FGF13: variants seen among roughly 807,000 people sequenced by gnomAD.
FGF13 encodes the protein fibroblast growth factor homologous factor 2.
A neutral mutation model predicts 19.5 loss-of-function variants in FGF13; 2 were observed. The ratio of observed to expected loss-of-function variants is 0.10; its 90% CI spans 0.04 to 0.32. FGF13 has a LOEUF of 0.32. FGF13 is among the 10% of genes least tolerant of loss of function. The pLI, the probability that FGF13 is intolerant of heterozygous loss-of-function variation, is 1.00. For synonymous variants in FGF13, 72 were observed against 76.9 expected (o/e 0.94, Z 0.33); for missense variants, 113 against 192.7 (o/e 0.59, Z 2.45).
At chrX:138,862,047 C>T (rs2091291128) in intron 2 of FGF13, among the ~76,000 whole-genome samples, 1 of 111,756 alleles carries the variant, frequency 8.9e-6, no homozygotes, top group Non-Finnish European at 1.9e-5. Flanking sequence ...TTTGTAAAAG[C>T]ATCAATATAT....
At chrX:139,195,339 A>T (rs755125239) in intron 1 of FGF13, among the ~76,000 whole-genome samples, 1 of 112,008 alleles carries the variant, frequency 8.9e-6, no homozygotes, top group East Asian at 2.8e-4. Context: ...TAAACCCCCC[A>T]AGGGGAGAGG....
chrX:138,667,344 A>G (rs1027291793), intron 3 of FGF13, among the ~76,000 whole-genome samples: 2 of 109,465 alleles, frequency 1.8e-5, no homozygotes, highest in African/African-American at 6.6e-5. Context: ...AGCCACTACA[A>G]GGATCTATAA....
chrX:139,076,206 CTGA>C (rs1470868231), intron 1 of FGF13, among the ~76,000 whole-genome samples: 1 of 111,313 alleles, frequency 9.0e-6, no homozygotes, highest in Non-Finnish European at 1.9e-5. Flanking sequence ...AATGGTTTCT[CTGA>C]TCACCTAACA....
chrX:138,833,308 C>G (rs1351358177), intron 3 of FGF13, among the ~76,000 whole-genome samples: 3 of 112,145 alleles, frequency 2.7e-5, no homozygotes, highest in Non-Finnish European at 5.6e-5. Context: ...GAATGTTTCT[C>G]CCTTTGTTTG....
chrX:138,896,749 C>T (rs931262205), intron 1 of FGF13, among the ~76,000 whole-genome samples: 1 of 111,689 alleles, frequency 9.0e-6, no homozygotes, highest in Admixed American at 9.6e-5. Flanking sequence ...AATTGCCCTT[C>T]GACATCTGAC....
chrX:138,749,819 C>A (rs2090384719), intron 3 of FGF13, among the ~76,000 whole-genome samples: 1 of 111,557 alleles, frequency 9.0e-6, no homozygotes, highest in Non-Finnish European at 1.9e-5. Flanking sequence ...GTGTGACCCC[C>A]TGGATCACGG....
chrX:138,935,349 G>A (rs1467125747), intron 1 of FGF13, among the ~76,000 whole-genome samples: 1 of 112,024 alleles, frequency 8.9e-6, no homozygotes, highest in East Asian at 2.8e-4. Flanking sequence ...CTAGTTTCCT[G>A]GAGAGCGGAC....
intron 3 of FGF13, among the ~76,000 whole-genome samples, chrX:138,781,089 G>A (rs2090637948): frequency 9.0e-6 from 1 of 111,079 alleles, no homozygotes; most frequent in Non-Finnish European, 1.9e-5. Context: ...CGAAATGAAG[G>A]CAGAAATAAA....
chrX:139,175,955 G>A (rs1225690344), intron 1 of FGF13, among the ~76,000 whole-genome samples: 1 of 111,576 alleles, frequency 9.0e-6, no homozygotes, highest in East Asian at 2.8e-4. Flanking sequence ...TCTATTGTTT[G>A]GAATAGTTTC....
chrX:138,904,409 G>A (rs1312708541), intron 1 of FGF13, among the ~76,000 whole-genome samples: 2 of 77,734 alleles, frequency 2.6e-5, no homozygotes, highest in African/African-American at 9.8e-5. Flanking sequence ...GAATTGCTTC[G>A]AATAGCTGTT....
intron 1 of FGF13, among the ~76,000 whole-genome samples, chrX:138,959,747 G>A (rs2091859647): frequency 8.9e-6 from 1 of 111,828 alleles, no homozygotes; most frequent in South Asian, 3.7e-4. Context: ...AGCTCTTCTT[G>A]TTGAATTGAT....
At chrX:138,834,787 G>T (rs990398849) in intron 3 of FGF13, among the ~76,000 whole-genome samples, 6 of 110,885 alleles carry the variant, frequency 5.4e-5, no homozygotes, top group African/African-American at 2.0e-4. Context: ...CTCTGATGTG[G>T]ACATCTAATG....
intron 1 of FGF13, among the ~76,000 whole-genome samples, chrX:138,935,212 A>AG (rs2091725449): frequency 4.5e-5 from 5 of 111,701 alleles, no homozygotes; most frequent in Admixed American, 1.9e-4. Context: ...TCTGTGCTGC[A>AG]AGTACAAACA....
intron 1 of FGF13, among the ~76,000 whole-genome samples, chrX:138,972,592 C>T (rs954012818): frequency 2.7e-5 from 3 of 110,526 alleles, no homozygotes; most frequent in Admixed American, 9.7e-5. Context: ...CTCCTGACCT[C>T]GCAATCCACC....
At chrX:139,033,255 T>C (rs1445991744) in intron 1 of FGF13, among the ~76,000 whole-genome samples, 1 of 111,120 alleles carries the variant, frequency 9.0e-6, no homozygotes, top group Non-Finnish European at 1.9e-5. Flanking sequence ...TCATAACTGA[T>C]TTGCAGAGGG....
At chrX:138,671,509 C>T (rs1047183620) in intron 3 of FGF13, among the ~76,000 whole-genome samples, 3 of 111,565 alleles carry the variant, frequency 2.7e-5, no homozygotes, top group Non-Finnish European at 3.8e-5. Flanking sequence ...ATATTGTAGG[C>T]AACATTTATT....
intron 2 of FGF13, among the ~76,000 whole-genome samples, chrX:138,860,589 T>A (rs150780953): frequency 1.9e-4 from 21 of 112,270 alleles, no homozygotes; most frequent in African/African-American, 6.8e-4. Context: ...CCACCTTTCA[T>A]TCAGTGACTC....
chrX:139,140,810 T>G (rs1350716788), intron 1 of FGF13, among the ~76,000 whole-genome samples: 1 of 110,724 alleles, frequency 9.0e-6, no homozygotes, highest in African/African-American at 3.3e-5. Flanking sequence ...ATGATCTGGG[T>G]CCCTACTATC....
chrX:138,781,145 T>C, intron 3 of FGF13, among the ~76,000 whole-genome samples: 1 of 110,743 alleles, frequency 9.0e-6, no homozygotes, highest in African/African-American at 3.3e-5. Flanking sequence ...CATACCAGAA[T>C]CTCTGGGACG....
Sources: gnomAD v4.1 joint callset for allele counts (sites outside exome capture counted in the v4.1 genomes callset) on GRCh38, gnomAD v4.1.1 for gene constraint, MANE v1.5 for transcripts, NCBI Gene and HGNC (gene_info 2026-07-23, HGNC 2026-07-21) for gene names.